The following NRG1 variants were observed in gnomAD, a reference collection of about 807,000 sequenced individuals.
NRG1 encodes the protein pro-neuregulin-1, membrane-bound isoform.
A neutral mutation model predicts 63.8 loss-of-function variants in NRG1; 18 were observed. That is an observed-to-expected ratio of 0.28 (90% CI 0.19 to 0.42). The LOEUF (loss-of-function observed/expected upper bound fraction) is 0.42. Ranked by LOEUF, NRG1 falls within the 10% of genes least tolerant of loss-of-function variation. NRG1 has a pLI of 1.00. For synonymous variants in NRG1, 302 were observed against 301.3 expected (o/e 1.00, Z -0.02); for missense variants, 762 against 814.7 (o/e 0.94, Z 0.79).
chr8:32,281,805 AC>A (rs5890633), intron 1 of NRG1, among the ~76,000 whole-genome samples: 49,494 of 151,172 alleles, frequency 0.33, 9,740 homozygotes, highest in African/African-American at 0.56. Context: ...ACATAGTGAG[AC>A]CCCCCCCATC....
chr8:32,439,975 A>G (rs1299146584), intron 1 of NRG1, among the ~76,000 whole-genome samples: 1 of 152,100 alleles, frequency 6.6e-6, no homozygotes, highest in Non-Finnish European at 1.5e-5. Context: ...GTAAAGAACT[A>G]CCTGAGCATG....
At chr8:32,380,344 C>T (rs573101047) in intron 1 of NRG1, among the ~76,000 whole-genome samples, 21 of 152,146 alleles carry the variant, frequency 1.4e-4, no homozygotes, top group South Asian at 4.1e-4. Context: ...CTTTGCTTAA[C>T]GAATAAATGT....
At chr8:31,801,391 A>G (rs1284359988) in intron 1 of NRG1, among the ~76,000 whole-genome samples, 4 of 152,118 alleles carry the variant, frequency 2.6e-5, no homozygotes, top group African/African-American at 7.2e-5. Flanking sequence ...TTTGCTATAA[A>G]TTGTCTGCTA....
At chr8:32,662,136 C>T (rs897862673) in intron 5 of NRG1, among the ~76,000 whole-genome samples, 1 of 152,170 alleles carries the variant, frequency 6.6e-6, no homozygotes, top group Non-Finnish European at 1.5e-5. Flanking sequence ...GTGTACATCT[C>T]TTATGTATCA....
At chr8:32,562,449 A>G (rs995445215) in intron 1 of NRG1, among the ~76,000 whole-genome samples, 1 of 151,928 alleles carries the variant, frequency 6.6e-6, no homozygotes, top group Non-Finnish European at 1.5e-5. Flanking sequence ...GGGTCTTGCT[A>G]TGCTGCCCAA....
At chr8:31,868,311 T>C (rs1352790449) in intron 1 of NRG1, among the ~76,000 whole-genome samples, 3 of 152,102 alleles carry the variant, frequency 2.0e-5, no homozygotes, top group Non-Finnish European at 4.4e-5. Context: ...ATGAAGTCAA[T>C]GAAGTCAACA....
chr8:32,069,854 C>G (rs1825492041), intron 1 of NRG1, among the ~76,000 whole-genome samples: 1 of 152,128 alleles, frequency 6.6e-6, no homozygotes, highest in African/African-American at 2.4e-5. Flanking sequence ...GAACCTGAGT[C>G]CTAGTTGAGC....
intron 1 of NRG1, among the ~76,000 whole-genome samples, chr8:31,845,964 T>C (rs936234097): frequency 4.6e-5 from 7 of 152,170 alleles, no homozygotes; most frequent in Admixed American, 4.6e-4. Flanking sequence ...GAGTTTTTTT[T>C]CCTGATATCT....
intron 5 of NRG1, among the ~76,000 whole-genome samples, chr8:32,677,656 CAA>C (rs201873516): frequency 2.0e-5 from 3 of 148,192 alleles, no homozygotes; most frequent in Non-Finnish European, 3.0e-5. Context: ...GACCCTGTCT[CAA>C]AAAAAAAGAA....
chr8:32,360,004 G>A (rs779948983), intron 1 of NRG1, among the ~76,000 whole-genome samples: 16 of 152,160 alleles, frequency 1.1e-4, no homozygotes, highest in Admixed American at 2.6e-4. Context: ...CCAGGCATTC[G>A]ACATGTGGTA....
intron 1 of NRG1, among the ~76,000 whole-genome samples, chr8:31,945,685 T>G (rs909769718): frequency 2.0e-5 from 3 of 152,180 alleles, no homozygotes; most frequent in African/African-American, 7.2e-5. Context: ...TTTCGACAGG[T>G]CCTTCTCAGA....
rs77862111 is a variant in NRG1, at chr8:32,177,813, A to C, written c.38-418015A>C. On this transcript the variant is annotated intron_variant, in intron 1 of 10. Transcript: ENST00000519301. ...GCTGATTTAAATGATTTCCTTATAC[A>C]TCTCTTTCTGCTTGTGCTATTGAAT... Among the ~76,000 whole-genome samples the C allele has an allele frequency of 2.1e-3, 325 of 152,170 alleles. 4 individuals are homozygous for C. The highest frequency in any genetic ancestry group is 7.4e-3 in the African/African-American group (308 of 41,518).
intron 5 of NRG1, among the ~76,000 whole-genome samples, chr8:32,668,189 G>A (rs1346843226): frequency 6.6e-6 from 1 of 150,616 alleles, no homozygotes; most frequent in African/African-American, 2.5e-5. Context: ...CTCCAGCCAG[G>A]GCGACAGAGT....
rs796962026 is a variant in NRG1 at position 32,748,332 on chromosome 8, C to T, written c.691+5599C>T. ...ACACACATAGGCGCATGTACACGCG[C>T]GCGCGCGCACACACACACACACACA... On this transcript the variant is annotated intron_variant, in intron 7 of 11. Transcript: ENST00000356819. Among the ~76,000 whole-genome samples, 261 of 77,116 alleles carry T rather than the reference C, an allele frequency of 3.4e-3. 2 individuals carry two copies. Among genetic ancestry groups the T allele is most frequent in the African/African-American group, 0.011 (242 of 21,384 alleles). The allele number at this position is 77,116 out of a possible 152,430, so 50.6% of individuals were successfully genotyped here. A position where few individuals can be genotyped will look rare whatever the true frequency, so the allele number is the denominator to read the frequency against.
chr8:32,072,633 CTT>C (rs1356564552), intron 1 of NRG1, among the ~76,000 whole-genome samples: 1 of 152,084 alleles, frequency 6.6e-6, no homozygotes, highest in Non-Finnish European at 1.5e-5. Context: ...CCTAACTCCA[CTT>C]TGTTTTTACT....
chr8:31,640,508 TGAA>T lies in NRG1; in HGVS notation c.37+1082_37+1084del, dbSNP rs1803645649. The T allele has an allele frequency of 1.9e-6, 3 of 1,610,674 alleles. No individual in the cohort carries two copies. Among genetic ancestry groups the T allele is most frequent in the Non-Finnish European group, 2.5e-6 (3 of 1,179,102 alleles). On this transcript the variant is annotated intron_variant, in intron 1 of 10. Transcript: ENST00000519301. This position sits in a 1 kb window ranked among gnomAD's most constrained non-coding sequence, Gnocchi z 6.3. The stretch of plus-strand genomic sequence containing the variant: ...GTGTGGGCGGTGAAAGCCGGGGGCT[TGAA>T]GAAGGACTCGCTGCTCACCGTGCGC...
At chr8:31,901,918 C>T (rs1412379420) in intron 1 of NRG1, among the ~76,000 whole-genome samples, 1 of 152,198 alleles carries the variant, frequency 6.6e-6, no homozygotes, top group Non-Finnish European at 1.5e-5. Context: ...AGGTCATTAT[C>T]TGTTCTGTTT....
chr8:31,742,455 ATTT>A (rs36040084), intron 1 of NRG1, among the ~76,000 whole-genome samples: 24,577 of 80,216 alleles, frequency 0.31, 4,156 homozygotes, highest in East Asian at 0.78. Flanking sequence ...TTTTTTAAGA[ATTT>A]TTTTTTTTTT....
At chr8:32,192,699 G>C (rs750433018) in intron 1 of NRG1, among the ~76,000 whole-genome samples, 1 of 151,914 alleles carries the variant, frequency 6.6e-6, no homozygotes, top group Admixed American at 6.6e-5. Flanking sequence ...ACATAACCAA[G>C]TAGCAACCCT....
Sources: gnomAD v4.1 joint callset for allele counts (sites outside exome capture counted in the v4.1 genomes callset) on GRCh38, gnomAD v4.1.1 for gene constraint, Gnocchi (gnomAD v3.1) non-coding constraint, MANE v1.5 for transcripts, NCBI Gene and HGNC (gene_info 2026-07-23, HGNC 2026-07-21) for gene names.